Variants in CLCN5 observed in about 807,000 individuals in gnomAD.
CLCN5 encodes the protein H(+)/Cl(-) exchange transporter 5.
Under a neutral mutation model 54.0 loss-of-function variants are expected in CLCN5, and 17 were observed. That is an observed-to-expected ratio of 0.31 (90% CI 0.22 to 0.47). The LOEUF (loss-of-function observed/expected upper bound fraction) is 0.47. CLCN5 is among the 20% of genes least tolerant of loss of function. CLCN5 has a pLI of 1.00. For missense variants in CLCN5, 448 were observed against 646.7 expected (o/e 0.69, Z 3.33); for synonymous variants, 222 against 233.0 (o/e 0.95, Z 0.43).
At chrX:49,961,630 G>A (rs1188557999) in intron 3 of CLCN5, among the ~76,000 whole-genome samples, 1 of 111,951 alleles carries the variant, frequency 8.9e-6, no homozygotes, top group Non-Finnish European at 1.9e-5. Flanking sequence ...GCTGTTTCAA[G>A]CATCCTAATA....
intron 3 of CLCN5, among the ~76,000 whole-genome samples, chrX:50,033,786 T>G (rs1435151650): frequency 5.4e-5 from 6 of 111,939 alleles, no homozygotes; most frequent in African/African-American, 1.9e-4. Context: ...TCAAATACAA[T>G]ATATATCTAT....
chrX:49,996,080 T>C (rs893485972), intron 3 of CLCN5, among the ~76,000 whole-genome samples: 1 of 112,372 alleles, frequency 8.9e-6, no homozygotes, highest in Non-Finnish European at 1.9e-5. Flanking sequence ...CTTGGCATTT[T>C]CTGACATAAT....
intron 3 of CLCN5, among the ~76,000 whole-genome samples, chrX:49,937,232 C>T (rs1302713325): frequency 8.9e-6 from 1 of 111,881 alleles, no homozygotes; most frequent in Non-Finnish European, 1.9e-5. Flanking sequence ...TGTGTTCTTG[C>T]ATATGCTTAG....
intron 3 of CLCN5, among the ~76,000 whole-genome samples, chrX:50,027,887 G>T (rs781954079): frequency 2.8e-4 from 31 of 111,440 alleles, no homozygotes; most frequent in Non-Finnish European, 5.1e-4. Context: ...AACTAAATGT[G>T]TCAGAGGCTA....
In CLCN5 at chrX:50,018,483, C is replaced by G. The variant is rs782482509; in HGVS notation, c.17-23833C>G. Reference sequence around the variant, plus strand: ...CTTGTCTTTTTTGCATTAGCTAGGTCTTTCAGTATGATGTTGAAATGGGTT... The same window carrying G: ...CTTGTCTTTTTTGCATTAGCTAGGTGTTTCAGTATGATGTTGAAATGGGTT... On this transcript the variant is annotated intron_variant, in intron 3 of 14. Coordinates refer to ENST00000376091, the MANE Select transcript of CLCN5 (RefSeq NM_001127898.4). Among the ~76,000 whole-genome samples the G allele has an allele frequency of 2.7e-5, 3 of 111,928 alleles. No homozygotes were observed. In the East Asian group the frequency reaches 8.4e-4, roughly 31 times the overall value.
intron 3 of CLCN5, among the ~76,000 whole-genome samples, chrX:49,940,504 T>G (rs782634059): frequency 8.9e-6 from 1 of 112,069 alleles, no homozygotes; most frequent in African/African-American, 3.2e-5. Context: ...TAACATAAGT[T>G]TGGGTTATGG....
chrX:50,054,809 G>A (rs1557188736), intron 4 of CLCN5, among the ~76,000 whole-genome samples: 1 of 111,805 alleles, frequency 8.9e-6, no homozygotes, highest in African/African-American at 3.3e-5. Flanking sequence ...TTCTTTGCTT[G>A]CAGGAGCTGA....
intron 3 of CLCN5, among the ~76,000 whole-genome samples, chrX:49,950,765 ATACATGAAATATTTTGG>A (rs1319861809): frequency 5.4e-5 from 6 of 111,416 alleles, no homozygotes; most frequent in African/African-American, 2.0e-4. Flanking sequence ...AAATATTTTG[ATACATGAAATATTTTGG>A]TACATGAAAT....
At chrX:50,059,960 T>C (rs1481198388) in intron 4 of CLCN5, among the ~76,000 whole-genome samples, 1 of 104,015 alleles carries the variant, frequency 9.6e-6, no homozygotes, top group Non-Finnish European at 2.0e-5. Context: ...AATAATCTTA[T>C]AGATAATGTA....
intron 9 of CLCN5, among the ~76,000 whole-genome samples, chrX:50,085,129 G>A (rs1279042861): frequency 9.0e-6 from 1 of 111,607 alleles, no homozygotes; most frequent in African/African-American, 3.3e-5. Flanking sequence ...TTCAAAACTC[G>A]TAATTTTGTT....
chrX:50,080,064 A>G (rs1217865151), intron 7 of CLCN5, among the ~76,000 whole-genome samples: 32 of 111,576 alleles, frequency 2.9e-4, no homozygotes, highest in Non-Finnish European at 9.4e-5. Context: ...CAATAAAAAA[A>G]TTTTAAAAAG....
At chrX:50,008,931 G>T (rs782805535) in intron 3 of CLCN5, 1 of 383,760 alleles carries the variant, frequency 2.6e-6, no homozygotes, top group Admixed American at 2.5e-5. Context: ...CACAAAAAGG[G>T]CAGGTGTCAG....
intron 4 of CLCN5, among the ~76,000 whole-genome samples, chrX:50,048,924 T>C (rs781858261): frequency 1.8e-5 from 2 of 111,212 alleles, no homozygotes; most frequent in African/African-American, 6.5e-5. Context: ...CATATACATA[T>C]ATCTATGAAT....
chrX:49,974,367 A>C (rs1602000724), intron 3 of CLCN5, among the ~76,000 whole-genome samples: 2 of 108,405 alleles, frequency 1.8e-5, no homozygotes, highest in Admixed American at 2.0e-4. Flanking sequence ...TATTCCTCTC[A>C]CTCTGCTCCA....
chrX:50,010,673 C>G (rs782574836), intron 3 of CLCN5: 1 of 177,399 alleles, frequency 5.6e-6, no homozygotes, highest in East Asian at 1.5e-4. Flanking sequence ...GTCCTGGTTC[C>G]CCCTCTCTAA....
At chrX:50,008,137 T>C (rs1446805095) in intron 3 of CLCN5, among the ~76,000 whole-genome samples, 1 of 112,346 alleles carries the variant, frequency 8.9e-6, no homozygotes, top group African/African-American at 3.2e-5. Context: ...TGTGCTAAAC[T>C]GTACTGCCTT....
intron 3 of CLCN5, among the ~76,000 whole-genome samples, chrX:49,994,791 G>A (rs1557179431): frequency 9.0e-6 from 1 of 111,677 alleles, no homozygotes; most frequent in East Asian, 2.8e-4. Flanking sequence ...TATACAGCAG[G>A]TCACAGCAGT....
intron 3 of CLCN5, among the ~76,000 whole-genome samples, chrX:50,025,786 C>T (rs1266403789): frequency 9.0e-6 from 1 of 111,102 alleles, no homozygotes; most frequent in Admixed American, 9.6e-5. Flanking sequence ...CTTACTTAAC[C>T]GGGCTAGAGG....
At chrX:49,947,104 G>T (rs1198454250) in intron 3 of CLCN5, among the ~76,000 whole-genome samples, 4 of 111,566 alleles carry the variant, frequency 3.6e-5, no homozygotes, top group African/African-American at 1.3e-4. Context: ...TTAGAGGCAT[G>T]AGCCACCGCG....
Sources: gnomAD v4.1 joint callset for allele counts (sites outside exome capture counted in the v4.1 genomes callset) on GRCh38, gnomAD v4.1.1 for gene constraint, MANE v1.5 for transcripts, NCBI Gene and HGNC (gene_info 2026-07-23, HGNC 2026-07-21) for gene names.